Variants in M6PR observed in about 807,000 individuals in gnomAD.
M6PR encodes mannose-6-phosphate receptor, cation dependent, also known as cation-dependent mannose-6-phosphate receptor.
A neutral mutation model predicts 33.1 loss-of-function variants in M6PR; 19 were observed. The observed-to-expected ratio is 0.57, with a 90% CI of 0.40 to 0.84. M6PR has a LOEUF of 0.84. M6PR is among the 40% of genes least tolerant of loss of function. The pLI is 0.00. For missense variants in M6PR, 295 were observed against 336.0 expected (o/e 0.88, Z 0.95); for synonymous variants, 111 against 123.4 (o/e 0.90, Z 0.67).
chr12:8,942,143 C>T lies in M6PR; in HGVS notation c.712-203G>A, dbSNP rs760641582. ...TTCTTATTAGGCCTCACCTTCTTCC[C>T]ACCCAGGCCCTCTTAAAAGCTAAAT... On this transcript the variant is annotated intron_variant, in intron 6 of 6. Transcript: ENST00000000412. 8 of 687,360 alleles carry T rather than the reference C, an allele frequency of 1.2e-5. No individual in the cohort carries two copies. The African/African-American group carries it at 1.4e-4, about 12-fold the overall frequency. The allele number at this position is 687,360 out of a possible 1,614,324, so 42.6% of individuals were successfully genotyped here.
rs1356269662 is a variant in M6PR, at chr12:8,941,709, G to GCAATAGTAAGGGTGAGATGAGGGACT, written c.*83_*108dup. 5.1e-6 allele frequency: 7 copies of GCAATAGTAAGGGTGAGATGAGGGACT among 1,364,198 alleles called. No individual in the cohort carries two copies. In the East Asian group the frequency reaches 1.6e-4, roughly 32 times the overall value. 84.5% of individuals were successfully genotyped at this position (1,364,198 alleles called of 1,614,324 possible). On this transcript the variant is annotated 3_prime_UTR_variant, in exon 7 of 7. Transcript: ENST00000000412. ...ATCAAAAGCAAACTGGAAAGCAAGAGCAATAGTAAGGGTGAGATGAGGGAC... is the reference window on the plus strand; with the variant it reads ...ATCAAAAGCAAACTGGAAAGCAAGAGCAATAGTAAGGGTGAGATGAGGGACTCAATAGTAAGGGTGAGATGAGGGAC...
chr12:8,946,176 A>G (rs1011495853), intron 2 of M6PR, 53 bp downstream of exon 2: 2 of 1,532,782 alleles, frequency 1.3e-6, no homozygotes, highest in African/African-American at 2.8e-5. Context: ...AGTAAGAAGA[A>G]AAGACTTTAA....
chr12:8,943,926 G>A lies in M6PR; in HGVS notation c.344-16C>T. The A allele has an allele frequency of 1.3e-6, 2 of 1,556,278 alleles. No homozygotes were observed. The highest frequency in any genetic ancestry group is 1.8e-6 in the Non-Finnish European group (2 of 1,127,878). On this transcript the variant is annotated splice_polypyrimidine_tract_variant and intron_variant, in intron 3 of 6. Transcript: ENST00000000412. Reference sequence around the variant, plus strand: ...ATCCAATTACCTGAGGAGGGACAAGGAAAATGGAGCTATGGGGTGGGGGAA... The same window carrying A: ...ATCCAATTACCTGAGGAGGGACAAGAAAAATGGAGCTATGGGGTGGGGGAA...
chr12:8,944,465 A>G (rs901004759), intron 3 of M6PR, among the ~76,000 whole-genome samples: 2 of 152,232 alleles, frequency 1.3e-5, no homozygotes, highest in Non-Finnish European at 2.9e-5. Flanking sequence ...AAAAGGTGAT[A>G]CGACTTTCCA....
intron 6 of M6PR, 148 bp downstream of exon 6, chr12:8,942,268 G>A: frequency 3.8e-6 from 4 of 1,048,998 alleles, no homozygotes; most frequent in Non-Finnish European, 5.6e-6. Flanking sequence ...TCTGTACTAG[G>A]GCAACTGTCT....
Position 8,941,440 on chromosome 12 carries a change from TA to T in M6PR, c.*377del. Reference sequence around the variant, plus strand: ...ATAATGTTTCTTGGCATTTTTTTTTTAATTAAAGAAATCCAGTGTCTCAAAA... The same window carrying T: ...ATAATGTTTCTTGGCATTTTTTTTTTATTAAAGAAATCCAGTGTCTCAAAA... On this transcript the variant is annotated 3_prime_UTR_variant, in exon 7 of 7. Coordinates refer to ENST00000000412, the MANE Select transcript of M6PR (RefSeq NM_002355.4). 1 of 185,512 alleles carries T rather than the reference TA, an allele frequency of 5.4e-6. No homozygotes were observed. Among genetic ancestry groups the T allele is most frequent in the Non-Finnish European group, 1.1e-5 (1 of 88,248 alleles). The allele number at this position is 185,512 out of a possible 1,614,324, so 11.5% of individuals were successfully genotyped here.
chr12:8,946,175 A>G, intron 2 of M6PR, 54 bp downstream of exon 2: 2 of 1,528,484 alleles, frequency 1.3e-6, no homozygotes, highest in Non-Finnish European at 1.8e-6. Context: ...CAGTAAGAAG[A>G]AAAGACTTTA....
chr12:8,945,958 C>T (rs1041035953), intron 2 of M6PR, among the ~76,000 whole-genome samples: 2 of 152,122 alleles, frequency 1.3e-5, no homozygotes, highest in African/African-American at 2.4e-5. Flanking sequence ...TGACATGTGT[C>T]GGCCTAAATA....
chr12:8,944,707 G>C (rs1205010699), intron 3 of M6PR, among the ~76,000 whole-genome samples: 1 of 152,162 alleles, frequency 6.6e-6, no homozygotes, highest in African/African-American at 2.4e-5. Flanking sequence ...AAGTTTTGCA[G>C]ACTGAGTAGT....
chr12:8,943,440 G>A lies in M6PR; in HGVS notation c.549C>T (p.Ile183=). ...MDSSLACSPE[I]SHLSVGSILL... is the part of the protein sequence containing the mutation. ...AGATGGAACCCACACTGAGGTGGGA[G>A]ATCTCTGGTGAACAGGCCAGGCTGC... Residue 183 remains isoleucine, a synonymous_variant, in exon 5 of 7, where the codon ATC becomes ATT. Coordinates refer to ENST00000000412, the MANE Select transcript of M6PR (RefSeq NM_002355.4). The A allele has an allele frequency of 6.2e-7, 1 of 1,614,156 alleles. No individual in the cohort carries two copies. Among genetic ancestry groups the A allele is most frequent in the South Asian group, 1.1e-5 (1 of 91,080 alleles).
At chr12:8,943,252 G>T in intron 5 of M6PR, 153 bp downstream of exon 5, 1 of 982,070 alleles carries the variant, frequency 1.0e-6, no homozygotes, top group Non-Finnish European at 1.5e-6. Flanking sequence ...TGTCCTGGCA[G>T]AATTATTTTA....
rs1474816086 is a variant in M6PR, at chr12:8,940,494, T to G, written c.*1324A>C. ...AAAAAAGATGCTTTTGTAACATTATTTTCCCTGTTTAGAAAGAAAAAAATC... is the reference window on the plus strand; with the variant it reads ...AAAAAAGATGCTTTTGTAACATTATGTTCCCTGTTTAGAAAGAAAAAAATC... On this transcript the variant is annotated 3_prime_UTR_variant, in exon 7 of 7. Transcript: ENST00000000412. 1 of 126,026 alleles carries G rather than the reference T, an allele frequency of 7.9e-6. No individual in the cohort carries two copies. Among genetic ancestry groups the G allele is most frequent in the Non-Finnish European group, 1.7e-5 (1 of 57,414 alleles). 7.8% of individuals were successfully genotyped at this position (126,026 alleles called of 1,614,324 possible).
Position 8,941,945 on chromosome 12 carries a change from A to AG in M6PR, c.712-6dup, listed in dbSNP as rs1946016788. 3 of 1,613,992 alleles carry AG rather than the reference A, an allele frequency of 1.9e-6. No individual in the cohort carries two copies. The highest frequency in any genetic ancestry group is 2.5e-6 in the Non-Finnish European group (3 of 1,179,888). On this transcript the variant is annotated splice_region_variant and splice_polypyrimidine_tract_variant and intron_variant, in intron 6 of 6. Coordinates refer to ENST00000000412, the MANE Select transcript of M6PR (RefSeq NM_002355.4). The stretch of plus-strand genomic sequence containing the variant: ...GCAGACAAAGTCACAGCCATCCTGT[A>AG]GGGGGAAAAAAAAGAAGGAAATAAT...
intron 1 of M6PR, among the ~76,000 whole-genome samples, chr12:8,948,764 T>C (rs1448395342): frequency 6.6e-6 from 1 of 152,258 alleles, no homozygotes; most frequent in African/African-American, 2.4e-5. Context: ...ACTGGGCCTC[T>C]GTAGCACTCA....
In M6PR at chr12:8,949,363, G is replaced by C. The variant is rs1946155664; in HGVS notation, c.-2+125C>G. On this transcript the variant is annotated intron_variant, in intron 1 of 6. Transcript: ENST00000000412. This position sits in a 1 kb window ranked among gnomAD's most constrained non-coding sequence, Gnocchi z 5.6. ...GCCTCCGCCTCCATTCTACCCTTAG[G>C]GCTCCTCAGCCAGATCTTTGGCTAG... 6.6e-6 allele frequency: 1 copy of C among 151,946 alleles called. No homozygotes were observed. Among genetic ancestry groups the C allele is most frequent in the African/African-American group, 2.4e-5 (1 of 41,326 alleles). 9.4% of individuals were successfully genotyped at this position (151,946 alleles called of 1,614,324 possible). A position where few individuals can be genotyped will look rare whatever the true frequency, so the allele number is the denominator to read the frequency against.
At position 8,943,795 on chromosome 12, in the gene M6PR, C is replaced by A. The variant is rs1378956213; in HGVS notation, c.453+6G>T. ...CCCTCGGCTTATACAACACAGGGTG[C>A]CTCACCGCTAGGGTGTGTCGATTGC... is the stretch of plus-strand genomic sequence containing the variant. On this transcript the variant is annotated splice_donor_region_variant and intron_variant, in intron 4 of 6. Transcript: ENST00000000412. The A allele has an allele frequency of 3.1e-6, 5 of 1,610,278 alleles. No homozygotes were observed. Among genetic ancestry groups the A allele is most frequent in the Non-Finnish European group, 4.2e-6 (5 of 1,178,064 alleles).
rs1945975188 is a variant in M6PR at position 8,940,368 on chromosome 12, TG to T, written c.*1449del. Reference sequence around the variant, plus strand: ...CACAAATGACAAGGCCAATATGTTTTGTTTGTTTTTTAATCATTAAGAGTTT... The same window carrying T: ...CACAAATGACAAGGCCAATATGTTTTTTTGTTTTTTAATCATTAAGAGTTT... On this transcript the variant is annotated 3_prime_UTR_variant, in exon 7 of 7. Coordinates refer to ENST00000000412, the MANE Select transcript of M6PR (RefSeq NM_002355.4). 1 of 182,228 alleles carries T rather than the reference TG, an allele frequency of 5.5e-6. No homozygotes were observed. Among genetic ancestry groups the T allele is most frequent in the Non-Finnish European group, 1.2e-5 (1 of 85,330 alleles). The allele number at this position is 182,228 out of a possible 1,614,324, so 11.3% of individuals were successfully genotyped here. A position where few individuals can be genotyped will look rare whatever the true frequency, so the allele number is the denominator to read the frequency against.
At chr12:8,944,793 T>C (rs1946071510) in intron 3 of M6PR, among the ~76,000 whole-genome samples, 2 of 152,136 alleles carry the variant, frequency 1.3e-5, no homozygotes, top group East Asian at 1.9e-4. Context: ...GTGGTGGTGG[T>C]TGGTATTTGT....
intron 3 of M6PR, among the ~76,000 whole-genome samples, chr12:8,944,452 G>T (rs1033973417): frequency 1.6e-4 from 25 of 152,206 alleles, no homozygotes; most frequent in African/African-American, 6.0e-4. Flanking sequence ...AGAAAACAAG[G>T]TCAAAAGGTG....
Sources: allele counts gnomAD v4.1 joint callset (sites outside exome capture counted in the v4.1 genomes callset), GRCh38; gene constraint gnomAD v4.1.1; non-coding constraint Gnocchi (gnomAD v3.1); transcripts MANE v1.5; gene names NCBI Gene and HGNC (gene_info 2026-07-23, HGNC 2026-07-21).